Variants in ZNF385D observed in about 807,000 individuals in gnomAD.
ZNF385D encodes zinc finger protein 385D.
A neutral mutation model predicts 35.8 loss-of-function variants in ZNF385D; 15 were observed. The ratio of observed to expected loss-of-function variants is 0.42; its 90% CI spans 0.28 to 0.64. The LOEUF (loss-of-function observed/expected upper bound fraction) is 0.64, where lower values mean the gene tolerates loss of function less well. Among genes scored for constraint, ZNF385D ranks in the 30% least tolerant of loss-of-function variants. The probability of loss-of-function intolerance (pLI) is 0.23; values close to 1 mark genes in which losing one functional copy is unlikely to be tolerated. For missense variants in ZNF385D, 474 were observed against 494.6 expected, an observed-to-expected ratio of 0.96 and a Z score of 0.39; for synonymous variants, 212 against 186.8, an observed-to-expected ratio of 1.13 and a Z score of -1.10.
intron 3 of ZNF385D, among the ~76,000 whole-genome samples, chr3:22,159,801 A>G (rs922615289): frequency 6.6e-5 from 10 of 152,090 alleles, no homozygotes; most frequent in African/African-American, 2.2e-4. Flanking sequence ...TTTTTGAACA[A>G]TTTAATATCT....
At chr3:21,935,673 A>G (rs1227793960) in intron 3 of ZNF385D, among the ~76,000 whole-genome samples, 1 of 152,130 alleles carries the variant, frequency 6.6e-6, no homozygotes, top group Admixed American at 6.6e-5. Flanking sequence ...CTTAGCACAT[A>G]CAATGAAGAC....
At chr3:22,026,338 T>A (rs1697552062) in intron 3 of ZNF385D, among the ~76,000 whole-genome samples, 1 of 151,992 alleles carries the variant, frequency 6.6e-6, no homozygotes, top group South Asian at 2.1e-4. Context: ...TACCGACAAT[T>A]TATGTGGTGA....
intron 2 of ZNF385D, among the ~76,000 whole-genome samples, chr3:22,190,445 C>T (rs770814301): frequency 1.6e-4 from 25 of 152,098 alleles, no homozygotes; most frequent in Non-Finnish European, 3.1e-4. Context: ...GTGGTAAGTT[C>T]CTTTTGAAGT....
chr3:21,555,569 T>C (rs2062705713), intron 3 of ZNF385D, among the ~76,000 whole-genome samples: 1 of 152,220 alleles, frequency 6.6e-6, no homozygotes. Flanking sequence ...CTGCATAGTG[T>C]TCCATGGTGT....
intron 3 of ZNF385D, among the ~76,000 whole-genome samples, chr3:22,030,286 T>TATATATATCCTATACAAATAACAAATAGG (rs1697897398): frequency 3.0e-5 from 3 of 100,278 alleles, no homozygotes; most frequent in African/African-American, 8.1e-5. Context: ...TATATATATA[T>TATATATATCCTATACAAATAACAAATAGG]ATATATATAT....
intron 3 of ZNF385D, among the ~76,000 whole-genome samples, chr3:21,758,183 T>G (rs2070431680): frequency 6.6e-6 from 1 of 152,236 alleles, no homozygotes; most frequent in Non-Finnish European, 1.5e-5. Flanking sequence ...AGATGGCATT[T>G]CCGTGATCTG....
chr3:22,112,968 C>G (rs569756661), intron 3 of ZNF385D, among the ~76,000 whole-genome samples: 1 of 152,028 alleles, frequency 6.6e-6, no homozygotes, highest in Admixed American at 6.6e-5. Flanking sequence ...AAGTATAGAA[C>G]TTTAGTCTCT....
chr3:22,068,040 C>A (rs1212691386), intron 3 of ZNF385D, among the ~76,000 whole-genome samples: 2 of 151,972 alleles, frequency 1.3e-5, no homozygotes, highest in Non-Finnish European at 2.9e-5. Context: ...CTTCTCTGAT[C>A]AATACAGTAG....
At chr3:21,777,257 C>T (rs112462864) in intron 3 of ZNF385D, among the ~76,000 whole-genome samples, 46 of 151,918 alleles carry the variant, frequency 3.0e-4, no homozygotes, top group Non-Finnish European at 5.5e-4. Flanking sequence ...TGATCTTTGT[C>T]AAGAACTCAT....
At chr3:22,102,909 C>A (rs114688249) in intron 3 of ZNF385D, among the ~76,000 whole-genome samples, 2,887 of 143,222 alleles carry the variant, frequency 0.02, 113 homozygotes, top group African/African-American at 0.068. Flanking sequence ...AAAAAAAAAC[C>A]AACAAGTTCT....
intron 2 of ZNF385D, among the ~76,000 whole-genome samples, chr3:21,596,187 T>C (rs908157191): frequency 5.3e-5 from 8 of 152,170 alleles, no homozygotes; most frequent in Non-Finnish European, 1.0e-4. Flanking sequence ...CAACTCTGAA[T>C]TTCAGTTTTC....
chr3:22,370,847 A>C (rs1458545299), intron 2 of ZNF385D, among the ~76,000 whole-genome samples: 2 of 152,210 alleles, frequency 1.3e-5, no homozygotes, highest in Non-Finnish European at 2.9e-5. Flanking sequence ...GTAACCCCAA[A>C]GATCTCTCAG....
chr3:21,585,127 G>C (rs2063773673), intron 2 of ZNF385D, among the ~76,000 whole-genome samples: 1 of 151,668 alleles, frequency 6.6e-6, no homozygotes, highest in Non-Finnish European at 1.5e-5. Flanking sequence ...AAGTAATCTT[G>C]GTTCCTAAAA....
intron 4 of ZNF385D, among the ~76,000 whole-genome samples, chr3:21,468,821 C>G (rs143288407): frequency 6.6e-6 from 1 of 151,834 alleles, no homozygotes; most frequent in Non-Finnish European, 1.5e-5. Flanking sequence ...CCCAGCTACT[C>G]GGGAGACTGA....
chr3:22,348,684 A>G lies in ZNF385D; in HGVS notation c.106+23766T>C, dbSNP rs913546082. On this transcript the variant is annotated intron_variant, in intron 2 of 5. Coordinates refer to the ZNF385D transcript ENST00000494108. ...CGCTGTAGAAAGAAAGAAAGAAAGG[A>G]AGGGAGGGAGGGAGGGAGGGAGGAG... Among the ~76,000 whole-genome samples, 19 of 139,320 alleles carry G rather than the reference A, an allele frequency of 1.4e-4. 1 individual carries two copies. The highest frequency in any genetic ancestry group is 5.7e-4 in the Admixed American group (8 of 14,158). 91.4% of individuals were successfully genotyped at this position (139,320 alleles called of 152,430 possible).
chr3:22,358,992 T>A (rs555650621), intron 2 of ZNF385D, among the ~76,000 whole-genome samples: 56 of 151,136 alleles, frequency 3.7e-4, no homozygotes, highest in African/African-American at 1.4e-3. Context: ...TTCAAGCAGA[T>A]GATCCCTTTC....
At chr3:22,272,150 T>C (rs1576595019) in intron 2 of ZNF385D, among the ~76,000 whole-genome samples, 1 of 152,040 alleles carries the variant, frequency 6.6e-6, no homozygotes, top group Non-Finnish European at 1.5e-5. Context: ...CAAGATAATT[T>C]CCCAAAATGA....
At chr3:21,962,211 C>A (rs1487118291) in intron 3 of ZNF385D, among the ~76,000 whole-genome samples, 1 of 151,952 alleles carries the variant, frequency 6.6e-6, no homozygotes, top group Non-Finnish European at 1.5e-5. Flanking sequence ...TGGCTAGAAT[C>A]CTGGTGCTGG....
At chr3:21,665,322 C>T (rs2066372661) in intron 1 of ZNF385D, among the ~76,000 whole-genome samples, 2 of 152,182 alleles carry the variant, frequency 1.3e-5, no homozygotes, top group Admixed American at 1.3e-4. Flanking sequence ...CAGATTGGGT[C>T]AGTCACAAAT....
Sources: gnomAD v4.1 joint callset for allele counts (sites outside exome capture counted in the v4.1 genomes callset) on GRCh38, gnomAD v4.1.1 for gene constraint, MANE v1.5 for transcripts, NCBI Gene and HGNC (gene_info 2026-07-23, HGNC 2026-07-21) for gene names.